Variants in MTTP observed in about 807,000 individuals in gnomAD.
The protein encoded by MTTP is microsomal triglyceride transfer protein large subunit.
Under a neutral mutation model 90.6 loss-of-function variants are expected in MTTP, and 49 were observed. That is an observed-to-expected ratio of 0.54 (90% CI 0.43 to 0.69). The LOEUF (loss-of-function observed/expected upper bound fraction) is 0.69, where lower values mean the gene tolerates loss of function less well. Ranked by LOEUF, MTTP falls within the 30% of genes least tolerant of loss-of-function variation. The pLI, the probability that MTTP is intolerant of heterozygous loss-of-function variation, is 0.00. For synonymous variants in MTTP, 347 were observed against 384.2 expected (o/e 0.90, Z 1.13); for missense variants, 945 against 1,067.5 (o/e 0.89, Z 1.60).
At chr4:99,564,847 C>T (rs1412168958) in intron 1 of MTTP, among the ~76,000 whole-genome samples, 2 of 152,126 alleles carry the variant, frequency 1.3e-5, no homozygotes, top group African/African-American at 2.4e-5. Flanking sequence ...AAAATTAAAT[C>T]CAGAATTTGA....
intron 6 of MTTP, among the ~76,000 whole-genome samples, chr4:99,592,622 T>C (rs892363141): frequency 2.6e-5 from 4 of 152,144 alleles, no homozygotes; most frequent in Non-Finnish European, 5.9e-5. Flanking sequence ...TCAATATCAC[T>C]GTCTTCCTCC....
At chr4:99,614,180 T>C (rs1286907086) in intron 15 of MTTP, among the ~76,000 whole-genome samples, 2 of 152,188 alleles carry the variant, frequency 1.3e-5, no homozygotes, top group African/African-American at 4.8e-5. Context: ...CTCCGTTACC[T>C]TCTTGCTATG....
At chr4:99,582,720 G>A (rs767180522) in intron 2 of MTTP, among the ~76,000 whole-genome samples, 1 of 152,284 alleles carries the variant, frequency 6.6e-6, no homozygotes, top group East Asian at 1.9e-4. Context: ...AGTAAAGTCA[G>A]TTATTCTTCT....
intron 7 of MTTP, among the ~76,000 whole-genome samples, 164 bp downstream of exon 7, chr4:99,595,047 A>C (rs1332812947): frequency 6.6e-6 from 1 of 152,216 alleles, no homozygotes; most frequent in Non-Finnish European, 1.5e-5. Context: ...GACATAGTGC[A>C]TGACACATCA....
At chr4:99,573,646 A>G (rs1298240084), upstream of MTTP, among the ~76,000 whole-genome samples, 1 of 152,112 alleles carries the variant, frequency 6.6e-6, no homozygotes, top group Non-Finnish European at 1.5e-5. Context: ...TTTAAATTGC[A>G]TTGTGTCTGT....
chr4:99,592,186 A>T (rs11727265), intron 6 of MTTP, among the ~76,000 whole-genome samples: 16,458 of 152,200 alleles, frequency 0.11, 1,354 homozygotes, highest in Non-Finnish European at 0.16. Flanking sequence ...CTTTATTCAT[A>T]AAAGGTACAT....
In MTTP at chr4:99,608,993, C is replaced by A. The variant is rs779646290; in HGVS notation, c.1769+16C>A. 1 of 1,582,772 alleles carries A rather than the reference C, an allele frequency of 6.3e-7. No individual in the cohort carries two copies. The highest frequency in any genetic ancestry group is 8.7e-7 in the Non-Finnish European group (1 of 1,151,404). ...TGCCTGCAAGGTATAATACATTGCA[C>A]ATGTCTCTCTGTGTATTCAAGCTTA... On this transcript the variant is annotated intron_variant, in intron 12 of 17. Coordinates refer to ENST00000265517, the MANE Select transcript of MTTP (RefSeq NM_001386140.1).
chr4:99,611,814 C>T (rs930300187), intron 14 of MTTP, among the ~76,000 whole-genome samples: 1 of 152,094 alleles, frequency 6.6e-6, no homozygotes, highest in Non-Finnish European at 1.5e-5. Context: ...CCTCCTCTCA[C>T]CCCCAAGTAT....
In MTTP at chr4:99,621,096, A is replaced by C. The variant is rs780797954; in HGVS notation, c.2378A>C (p.Asp793Ala). Residue 793 changes from aspartate to alanine, a missense_variant, in exon 17 of 18, where the codon GAC becomes GCC. Transcript: ENST00000265517. ...GTAATAACCACTGACATCACAGTGG[A>C]CTCCTCTTTTGTGAAAGCTGGCCTG... ...TVVITTDITV[D>A]SSFVKAGLET... is the part of the protein sequence containing the mutation. 2.2e-5 allele frequency: 35 copies of C among 1,613,842 alleles called. No individual in the cohort carries two copies. The highest frequency in any genetic ancestry group is 1.6e-4 in the Middle Eastern group (1 of 6,084).
At chr4:99,589,576 A>G in intron 3 of MTTP, 67 bp from the exon 4 acceptor site, 1 of 904,010 alleles carries the variant, frequency 1.1e-6, no homozygotes, top group Non-Finnish European at 1.8e-6. Context: ...CTTGCCTGAC[A>G]CTTATTTAAA....
At chr4:99,578,273 A>T (rs1725016861) in intron 1 of MTTP, among the ~76,000 whole-genome samples, 1 of 152,240 alleles carries the variant, frequency 6.6e-6, no homozygotes, top group African/African-American at 2.4e-5. Context: ...TTTTTTGGCT[A>T]ATATTACTTT....
intron 16 of MTTP, chr4:99,620,841 G>A: frequency 1.8e-6 from 1 of 568,258 alleles, no homozygotes; most frequent in Non-Finnish European, 3.1e-6. Context: ...GCAGGGGAGA[G>A]CTCAGGGGAA....
At chr4:99,576,003 A>G (rs1174507271) in intron 1 of MTTP, among the ~76,000 whole-genome samples, 1 of 152,212 alleles carries the variant, frequency 6.6e-6, no homozygotes. Flanking sequence ...AAAAAAACCT[A>G]ATCTTCATTA....
intron 3 of MTTP, among the ~76,000 whole-genome samples, chr4:99,585,316 A>G (rs901330182): frequency 6.6e-6 from 1 of 152,100 alleles, no homozygotes; most frequent in African/African-American, 2.4e-5. Context: ...TGAGGAACCA[A>G]AGTTAAGAAA....
chr4:99,593,338 T>C (rs563509946), intron 6 of MTTP, among the ~76,000 whole-genome samples: 13 of 152,292 alleles, frequency 8.5e-5, no homozygotes, highest in South Asian at 2.1e-4. Context: ...CTCTGTCAAA[T>C]GTTTTTAATA....
At chr4:99,591,928 C>G (rs930135459) in intron 6 of MTTP, 138 bp downstream of exon 6, 8 of 812,654 alleles carry the variant, frequency 9.8e-6, no homozygotes, top group African/African-American at 1.7e-5. Context: ...GGAATAAGTT[C>G]TGAGAAAAGC....
chr4:99,622,701 G>T lies in MTTP; in HGVS notation c.2538G>T (p.Arg846Ser), dbSNP rs770189241. Residue 846 changes from arginine (R) to serine (S), a missense_variant, in exon 18 of 18, where the codon AGG (arginine) becomes AGT (serine). Physicochemically the swap from Arg to Ser is moderately radical, Grantham distance 110 (BLOSUM62 -1). Coordinates refer to ENST00000265517, the MANE Select transcript of MTTP (RefSeq NM_001386140.1). ...PFRQFEKKYE[R>S]LSTGRGYVSQ... ...GGCAATTTGAGAAAAAGTACGAAAG[G>T]CTGTCCACAGGCAGAGGTTATGTCT... 6.2e-7 allele frequency: 1 copy of T among 1,613,990 alleles called. No homozygotes were observed. The highest frequency in any genetic ancestry group is 8.5e-7 in the Non-Finnish European group (1 of 1,179,918).
chr4:99,597,736 TA>T (rs1449884783), intron 8 of MTTP, among the ~76,000 whole-genome samples: 1 of 152,134 alleles, frequency 6.6e-6, no homozygotes, highest in African/African-American at 2.4e-5. Flanking sequence ...CTGGAGAAAA[TA>T]AATCCATATG....
At chr4:99,574,803 T>C, upstream of MTTP, 2 of 1,609,744 alleles carry the variant, frequency 1.2e-6, no homozygotes, top group Non-Finnish European at 1.7e-6. Flanking sequence ...AACATGATTG[T>C]TGCAGGTTCT....
Sources: gnomAD v4.1 joint callset for allele counts (sites outside exome capture counted in the v4.1 genomes callset) on GRCh38, gnomAD v4.1.1 for gene constraint, MANE v1.5 for transcripts, NCBI Gene and HGNC (gene_info 2026-07-23, HGNC 2026-07-21) for gene names.